Variants in OAS2 observed in about 807,000 individuals in gnomAD.
OAS2 encodes 2'-5'-oligoadenylate synthase 2.
A neutral mutation model predicts 71.3 loss-of-function variants in OAS2; 67 were observed. The observed-to-expected ratio is 0.94, with a 90% CI of 0.77 to 1.15. The LOEUF is 1.15. Among genes scored for constraint, OAS2 ranks in the 50% most tolerant of loss-of-function variants. The probability of loss-of-function intolerance (pLI) is 0.00; values close to 1 mark genes in which losing one functional copy is unlikely to be tolerated. For missense variants in OAS2, 789 were observed against 822.5 expected (o/e 0.96, Z 0.50); for synonymous variants, 327 against 321.8 (o/e 1.02, Z -0.17).
At chr12:112,979,508 G>C (rs1156359583) in intron 1 of OAS2, among the ~76,000 whole-genome samples, 1 of 152,200 alleles carries the variant, frequency 6.6e-6, no homozygotes, top group Non-Finnish European at 1.5e-5. Flanking sequence ...GCCCAGGCCA[G>C]CAAGCTAAGG....
intron 3 of OAS2, among the ~76,000 whole-genome samples, 187 bp from the exon 4 acceptor site, chr12:112,997,332 AG>A (rs2044242588): frequency 6.6e-6 from 1 of 152,032 alleles, no homozygotes; most frequent in South Asian, 2.1e-4. Flanking sequence ...GACACCTAAG[AG>A]AGGTCCCTGC....
chr12:112,995,479 T>C lies in OAS2; in HGVS notation c.627+5T>C. 6.2e-7 allele frequency: 1 copy of C among 1,610,452 alleles called. No individual in the cohort carries two copies. The highest frequency in any genetic ancestry group is 8.5e-7 in the Non-Finnish European group (1 of 1,178,476). ...ATAAAGCACTGGCATCAACAGGTAA[T>C]TTTCCAACTGTCTATATATGGTTAT... On this transcript the variant is annotated splice_donor_5th_base_variant and intron_variant, in intron 3 of 9. Coordinates refer to ENST00000392583, the MANE Select transcript of OAS2 (RefSeq NM_002535.3).
chr12:113,010,680 A>T lies in OAS2; in HGVS notation c.*1425A>T. ...CTGCAGGCAGCCTGCCTTTAAAAAT[A>T]GTTGCTGTCATCCACTTTATGTGCA... On this transcript the variant is annotated 3_prime_UTR_variant, in exon 10 of 10. Transcript: ENST00000392583. 1 of 641,840 alleles carries T rather than the reference A, an allele frequency of 1.6e-6. No individual in the cohort carries two copies. Among genetic ancestry groups the T allele is most frequent in the South Asian group, 3.8e-5 (1 of 26,474 alleles). The allele number at this position is 641,840 out of a possible 1,614,324, so 39.8% of individuals were successfully genotyped here. A position where few individuals can be genotyped will look rare whatever the true frequency, so the allele number is the denominator to read the frequency against.
At position 113,009,315 on chromosome 12, in the gene OAS2, G is replaced by A. The variant is rs1370641352; in HGVS notation, c.*60G>A. 9.5e-6 allele frequency: 15 copies of A among 1,575,142 alleles called. No individual in the cohort carries two copies. Among genetic ancestry groups the A allele is most frequent in the Non-Finnish European group, 1.3e-5 (15 of 1,163,202 alleles). On this transcript the variant is annotated 3_prime_UTR_variant, in exon 10 of 10. Transcript: ENST00000392583. ...CTTGAATCAAAGAACTTCTCCTACTGTAGCAACCTGAAATTAACTCAGACA... is the reference window on the plus strand; with the variant it reads ...CTTGAATCAAAGAACTTCTCCTACTATAGCAACCTGAAATTAACTCAGACA...
intron 9 of OAS2, among the ~76,000 whole-genome samples, 166 bp downstream of exon 9, chr12:113,008,109 G>A (rs928404739): frequency 1.3e-5 from 2 of 152,152 alleles, no homozygotes; most frequent in African/African-American, 4.8e-5. Context: ...CCTAGCAGGG[G>A]CAGGAGAAAA....
In OAS2 at chr12:113,002,932, C is replaced by A; in HGVS notation, c.1009C>A (p.Pro337Thr). The A allele has an allele frequency of 1.2e-6, 2 of 1,613,798 alleles. No homozygotes were observed. The highest frequency in any genetic ancestry group is 1.1e-5 in the South Asian group (1 of 91,032). Residue 337 changes from proline (P) to threonine (T), a missense_variant and splice_region_variant, in exon 6 of 10, where the codon CCT becomes ACT. Pro to Thr is a conservative substitution (Grantham distance 38). Transcript: ENST00000392583. ...CTTGGGGTCTTCCTTCCTTCCCCAG[C>A]CTGCACCACTCTTCACGACCCCAGG... ...ELPAPSWNVL[P>T]APLFTTPGHL... is the part of the protein sequence containing the mutation.
intron 1 of OAS2, among the ~76,000 whole-genome samples, chr12:112,983,669 T>C (rs768683401): frequency 3.9e-5 from 6 of 152,246 alleles, no homozygotes; most frequent in Non-Finnish European, 8.8e-5. Flanking sequence ...TTCATTTGTT[T>C]CCAGAAATTT....
At chr12:112,984,756 CT>C in intron 1 of OAS2, among the ~76,000 whole-genome samples, 1 of 152,134 alleles carries the variant, frequency 6.6e-6, no homozygotes, top group Non-Finnish European at 1.5e-5. Context: ...GAGTTTTATA[CT>C]TTTGTGTGTT....
At chr12:113,002,666 G>A (rs559818966) in intron 5 of OAS2, among the ~76,000 whole-genome samples, 2 of 152,280 alleles carry the variant, frequency 1.3e-5, no homozygotes, top group African/African-American at 4.8e-5. Context: ...AGATCTGTCT[G>A]GACAAGGATC....
intron 2 of OAS2, chr12:112,987,840 T>C: frequency 2.0e-6 from 2 of 986,560 alleles, no homozygotes; most frequent in Non-Finnish European, 2.4e-6. Context: ...TATCAAAGCT[T>C]GAGGGGGTGC....
intron 1 of OAS2, among the ~76,000 whole-genome samples, chr12:112,986,363 G>C (rs940587336): frequency 1.3e-5 from 2 of 152,176 alleles, no homozygotes; most frequent in African/African-American, 2.4e-5. Flanking sequence ...GGACTGAACA[G>C]GCAGGTCCTT....
rs200885734 is a variant in OAS2, at chr12:113,006,548, G to A, written c.1604G>A (p.Arg535Gln). ...TVLQRNFIRSRPTKLKDLIRL... is the reference protein window; with the variant it reads ...TVLQRNFIRSQPTKLKDLIRL... ...CTGCAGCGAAACTTCATTCGCTCCC[G>A]GCCCACCAAACTAAAGGATTTAATT... Residue 535 changes from arginine to glutamine, a missense_variant, in exon 8 of 10, where the codon CGG (arginine) becomes CAG (glutamine). Arg to Gln is a conservative substitution (Grantham distance 43). Transcript: ENST00000392583. The A allele has an allele frequency of 2.9e-4, 462 of 1,612,198 alleles. 1 individual carries two copies. The highest frequency in any genetic ancestry group is 2.3e-3 in the Middle Eastern group (14 of 6,052).
chr12:113,005,918 C>CAAAAAAAAAAAAAAAAAAAAAAAAAAAAA (rs138299398), intron 7 of OAS2, among the ~76,000 whole-genome samples: 27 of 49,038 alleles, frequency 5.5e-4, no homozygotes, highest in Non-Finnish European at 7.3e-4. Flanking sequence ...ACAACAACAA[C>CAAAAAAAAAAAAAAAAAAAAAAAAAAAAA]AAAAAAAAAA....
At chr12:113,006,651 C>G in intron 8 of OAS2, 51 bp downstream of exon 8, 1 of 1,438,194 alleles carries the variant, frequency 7.0e-7, no homozygotes, top group Non-Finnish European at 9.4e-7. Flanking sequence ...TACCAGTAAG[C>G]CATGAACATT....
Position 112,995,206 on chromosome 12 carries a change from A to G in OAS2, c.449-90A>G, listed in dbSNP as rs1417093720. 13 of 1,218,402 alleles carry G rather than the reference A, an allele frequency of 1.1e-5. No homozygotes were observed. In the South Asian group the frequency reaches 1.9e-4, roughly 18 times the overall value. 75.5% of individuals were successfully genotyped at this position (1,218,402 alleles called of 1,614,324 possible). On this transcript the variant is annotated intron_variant, in intron 2 of 9. Transcript: ENST00000392583. ...ATTAAGCAAGAGTCGTGTGCTATCA[A>G]ACTATAACTGACCTTCATTGTAGAG...
chr12:113,001,393 TATATACACATATATAC>T (rs975164853), intron 5 of OAS2, among the ~76,000 whole-genome samples: 1 of 149,224 alleles, frequency 6.7e-6, no homozygotes, highest in African/African-American at 2.5e-5. Flanking sequence ...TATACACATA[TATATACACATATATAC>T]ATATATACAC....
chr12:113,009,916 A>G lies in OAS2; in HGVS notation c.*661A>G, dbSNP rs1664630160. 2.0e-6 allele frequency: 2 copies of G among 987,492 alleles called. No homozygotes were observed. Among genetic ancestry groups the G allele is most frequent in the Non-Finnish European group, 2.4e-6 (2 of 831,552 alleles). The allele number at this position is 987,492 out of a possible 1,614,324, so 61.2% of individuals were successfully genotyped here. A position where few individuals can be genotyped will look rare whatever the true frequency, so the allele number is the denominator to read the frequency against. On this transcript the variant is annotated 3_prime_UTR_variant, in exon 10 of 10. Coordinates refer to ENST00000392583, the MANE Select transcript of OAS2 (RefSeq NM_002535.3). ...ACCAGGATATCCTCCCTCCAGATATACTTGGTTCTCTCCACCAGGTTCTTT... is the reference window on the plus strand; with the variant it reads ...ACCAGGATATCCTCCCTCCAGATATGCTTGGTTCTCTCCACCAGGTTCTTT...
rs754325044 is a variant in OAS2, at chr12:112,998,396, T to C, written c.994T>C (p.Ser332Pro). 6.2e-7 allele frequency: 1 copy of C among 1,610,714 alleles called. No individual in the cohort carries two copies. Residue 332 changes from serine to proline, a missense_variant, in exon 5 of 10, where the codon TCT becomes CCT. Transcript: ENST00000392583. Reference sequence around the variant, plus strand: ...CCTGGATAATGAGTTACCTGCACCATCTTGGAATGTTCTGGTAAGAGGGTT... The same window carrying C: ...CCTGGATAATGAGTTACCTGCACCACCTTGGAATGTTCTGGTAAGAGGGTT... ...PNLDNELPAP[S>P]WNVLPAPLFT...
At chr12:112,997,192 C>G (rs1007173087) in intron 3 of OAS2, among the ~76,000 whole-genome samples, 12 of 151,994 alleles carry the variant, frequency 7.9e-5, no homozygotes, top group Non-Finnish European at 1.6e-4. Context: ...CCCTGAACTA[C>G]TGTATTTTTG....
Sources: gnomAD v4.1 joint callset for allele counts (sites outside exome capture counted in the v4.1 genomes callset) on GRCh38, gnomAD v4.1.1 for gene constraint, MANE v1.5 for transcripts, NCBI Gene and HGNC (gene_info 2026-07-23, HGNC 2026-07-21) for gene names.